Variants in KLHL4 observed in about 807,000 individuals in gnomAD.
KLHL4 encodes kelch like family member 4, also known as kelch-like protein 4.
Under a neutral mutation model 45.8 loss-of-function variants are expected in KLHL4, and 17 were observed. The ratio of observed to expected loss-of-function variants is 0.37; its 90% CI spans 0.25 to 0.56. KLHL4 has a LOEUF of 0.56. KLHL4 is among the 20% of genes least tolerant of loss of function. KLHL4 has a pLI of 0.79. For missense variants in KLHL4, 544 were observed against 544.9 expected (o/e 1.00, Z 0.02); for synonymous variants, 224 against 189.9 (o/e 1.18, Z -1.47).
chrX:87,542,397 G>A (rs1232893883), intron 1 of KLHL4, among the ~76,000 whole-genome samples: 3 of 112,346 alleles, frequency 2.7e-5, no homozygotes, highest in Non-Finnish European at 5.6e-5. Context: ...CAGGCCTGGA[G>A]GCCTAGGAAG....
At chrX:87,658,758 T>C (rs1279910826) in intron 9 of KLHL4, among the ~76,000 whole-genome samples, 1 of 111,427 alleles carries the variant, frequency 9.0e-6, no homozygotes, top group African/African-American at 3.3e-5. Context: ...ATTTTGCTAC[T>C]TCCTCGTGAG....
chrX:87,550,757 C>A (rs1175989536), intron 1 of KLHL4, among the ~76,000 whole-genome samples: 1 of 111,616 alleles, frequency 9.0e-6, no homozygotes, highest in East Asian at 2.8e-4. Context: ...ACAAAAATCA[C>A]ATGATCATCT....
At chrX:87,580,941 G>T (rs138205331) in intron 1 of KLHL4, among the ~76,000 whole-genome samples, 1 of 111,975 alleles carries the variant, frequency 8.9e-6, no homozygotes, top group Admixed American at 9.4e-5. Flanking sequence ...TATAGACAGA[G>T]CTCTGATCTC....
intron 5 of KLHL4, 79 bp from the exon 6 acceptor site, chrX:87,625,531 T>G: frequency 1.1e-6 from 1 of 916,744 alleles, no homozygotes; most frequent in Non-Finnish European, 1.5e-6. Flanking sequence ...GCGCCCAGCC[T>G]CTAAAGTTAT....
intron 1 of KLHL4, among the ~76,000 whole-genome samples, chrX:87,554,929 T>G (rs1405159684): frequency 9.5e-6 from 1 of 105,477 alleles, no homozygotes; most frequent in Non-Finnish European, 1.9e-5. Context: ...TAGCATGAAG[T>G]GTTGTTGAAT....
intron 9 of KLHL4, among the ~76,000 whole-genome samples, chrX:87,646,158 A>T (rs763039225): frequency 9.0e-6 from 1 of 111,700 alleles, no homozygotes; most frequent in African/African-American, 3.2e-5. Flanking sequence ...AACAACAACA[A>T]CAACAAAAAC....
At chrX:87,569,209 T>A (rs1251040437) in intron 1 of KLHL4, among the ~76,000 whole-genome samples, 1 of 111,712 alleles carries the variant, frequency 9.0e-6, no homozygotes, top group Non-Finnish European at 1.9e-5. Flanking sequence ...CAAGCACATT[T>A]AAAAGATGCT....
At chrX:87,563,576 G>A (rs1258885365) in intron 1 of KLHL4, among the ~76,000 whole-genome samples, 1 of 99,646 alleles carries the variant, frequency 1.0e-5, no homozygotes, top group Non-Finnish European at 2.0e-5. Flanking sequence ...TTGAAAACAG[G>A]CTATTTGAAA....
intron 1 of KLHL4, among the ~76,000 whole-genome samples, chrX:87,519,944 G>A (rs369508799): frequency 8.9e-6 from 1 of 111,818 alleles, no homozygotes; most frequent in Non-Finnish European, 1.9e-5. Context: ...CATTTAAAGC[G>A]TCATCAAGTG....
At chrX:87,552,142 T>G (rs893439667) in intron 1 of KLHL4, among the ~76,000 whole-genome samples, 1 of 111,008 alleles carries the variant, frequency 9.0e-6, no homozygotes, top group Non-Finnish European at 1.9e-5. Context: ...TCACAATCTG[T>G]ACATCTGGCA....
chrX:87,646,270 C>T (rs753712083), intron 9 of KLHL4, among the ~76,000 whole-genome samples: 2 of 111,505 alleles, frequency 1.8e-5, no homozygotes, highest in Non-Finnish European at 3.8e-5. Context: ...GGAACTACAT[C>T]CCATGCTCAT....
At chrX:87,596,565 A>G (rs969143745) in intron 1 of KLHL4, among the ~76,000 whole-genome samples, 3 of 112,006 alleles carry the variant, frequency 2.7e-5, no homozygotes, top group African/African-American at 9.7e-5. Context: ...TCTTCAGTAA[A>G]TAAAATACAT....
chrX:87,635,841 A>AT (rs1235512980), intron 9 of KLHL4, 66 bp downstream of exon 9: 122 of 838,973 alleles, frequency 1.5e-4, no homozygotes, highest in East Asian at 5.9e-4. Flanking sequence ...AAATAGAAAG[A>AT]TTTTTTTTCT....
rs929122532 is a variant in KLHL4, at chrX:87,574,368, A to G, written c.423-39509A>G. ...ACAAGAGTTCAAATTATGCTTTAAA[A>G]AAATCAAGTGTTGTTTTTAATTATT... On this transcript the variant is annotated intron_variant, in intron 1 of 10. Coordinates refer to ENST00000373119, the MANE Select transcript of KLHL4 (RefSeq NM_019117.5). Among the ~76,000 whole-genome samples the G allele has an allele frequency of 5.4e-5, 6 of 111,832 alleles. No homozygotes were observed. The South Asian group carries it at 2.2e-3, about 41-fold the overall frequency.
At chrX:87,649,359 C>A (rs1315112783) in intron 9 of KLHL4, among the ~76,000 whole-genome samples, 1 of 111,517 alleles carries the variant, frequency 9.0e-6, no homozygotes. Flanking sequence ...GTCAGAATTT[C>A]ATTTCCTTTT....
intron 1 of KLHL4, among the ~76,000 whole-genome samples, chrX:87,594,072 A>T (rs1921761466): frequency 9.0e-6 from 1 of 111,251 alleles, no homozygotes; most frequent in Admixed American, 9.6e-5. Context: ...ATTGAAGGCC[A>T]TATTTAATTA....
intron 1 of KLHL4, among the ~76,000 whole-genome samples, chrX:87,550,161 TG>T (rs1931779987): frequency 1.8e-5 from 2 of 110,660 alleles, no homozygotes; most frequent in African/African-American, 6.6e-5. Context: ...AAAGAAGAAA[TG>T]GTCAAATTCC....
chrX:87,652,814 A>G, intron 9 of KLHL4, among the ~76,000 whole-genome samples: 1 of 112,006 alleles, frequency 8.9e-6, no homozygotes, highest in East Asian at 2.8e-4. Context: ...ATATCTTTTC[A>G]GCAGTGCCCC....
chrX:87,628,301 C>G (rs757537657), intron 6 of KLHL4, among the ~76,000 whole-genome samples: 1 of 107,744 alleles, frequency 9.3e-6, no homozygotes, highest in African/African-American at 3.3e-5. Flanking sequence ...TTTTTCTACA[C>G]TGCCACTATT....
Sources: allele counts gnomAD v4.1 joint callset (sites outside exome capture counted in the v4.1 genomes callset), GRCh38; gene constraint gnomAD v4.1.1; transcripts MANE v1.5; gene names NCBI Gene and HGNC (gene_info 2026-07-23, HGNC 2026-07-21).